Variants in WDR75 observed in about 807,000 individuals in gnomAD.
WDR75 encodes the protein WD repeat-containing protein 75.
WDR75 carries 52 observed loss-of-function variants against 106.1 expected under a neutral mutation model. The ratio of observed to expected loss-of-function variants is 0.49; its 90% CI spans 0.39 to 0.62. The LOEUF is 0.62. Ranked by LOEUF, WDR75 falls within the 20% of genes least tolerant of loss-of-function variation. The probability of loss-of-function intolerance (pLI) is 0.00; values close to 1 mark genes in which losing one functional copy is unlikely to be tolerated. For missense variants in WDR75, 905 were observed against 970.3 expected (o/e 0.93, Z 0.89); for synonymous variants, 333 against 335.5 (o/e 0.99, Z 0.08).
At position 189,451,892 on chromosome 2, in the gene WDR75, C is replaced by T; in HGVS notation, c.370C>T (p.Pro124Ser). The change falls in exon 4 of 21, where the codon CCA (proline) becomes TCA (serine). Residue 124 changes from proline to serine, a missense_variant. Transcript: ENST00000314761. ...SVFVIVNKEK[P>S]DIFQLVSVKL... Reference sequence around the variant, plus strand: ...CTTTGTTATAGTGAATAAAGAAAAACCAGGTATGGTATAATTAACTTACTA... The same window carrying T: ...CTTTGTTATAGTGAATAAAGAAAAATCAGGTATGGTATAATTAACTTACTA... 6.2e-7 allele frequency: 1 copy of T among 1,610,296 alleles called. No individual in the cohort carries two copies. The highest frequency in any genetic ancestry group is 1.3e-5 in the African/African-American group (1 of 74,964).
chr2:189,448,646 T>C, intron 2 of WDR75, 138 bp downstream of exon 2: 5 of 1,128,810 alleles, frequency 4.4e-6, no homozygotes, highest in Non-Finnish European at 6.4e-6. Context: ...TATTTTCCAC[T>C]TGCTAAATTA....
chr2:189,446,763 A>T (rs1686507531), intron 1 of WDR75, among the ~76,000 whole-genome samples: 1 of 152,230 alleles, frequency 6.6e-6, no homozygotes, highest in Non-Finnish European at 1.5e-5. Flanking sequence ...CTATACATAC[A>T]TACCTATGAT....
intron 11 of WDR75, among the ~76,000 whole-genome samples, chr2:189,464,798 T>C (rs1343580938): frequency 6.6e-6 from 1 of 152,110 alleles, no homozygotes; most frequent in Non-Finnish European, 1.5e-5. Flanking sequence ...AAATTAACGG[T>C]TCTGTTGTAT....
intron 19 of WDR75, 95 bp downstream of exon 19, chr2:189,474,427 G>C (rs921804790): frequency 2.2e-6 from 3 of 1,387,748 alleles, no homozygotes; most frequent in African/African-American, 2.9e-5. Flanking sequence ...TTTGTATGCT[G>C]TACAACTTTA....
intron 1 of WDR75, among the ~76,000 whole-genome samples, chr2:189,446,996 T>C (rs1686514097): frequency 6.6e-6 from 1 of 152,190 alleles, no homozygotes; most frequent in South Asian, 2.1e-4. Context: ...CAGAGAATGC[T>C]GGAAAAAGGA....
intron 11 of WDR75, chr2:189,464,285 A>G (rs1290667530): frequency 8.0e-6 from 2 of 251,362 alleles, no homozygotes; most frequent in African/African-American, 4.5e-5. Flanking sequence ...TGACAGTACA[A>G]ATTTGTATCT....
chr2:189,469,299 G>A (rs761034907), intron 15 of WDR75, 45 bp from the exon 16 acceptor site: 1 of 1,492,660 alleles, frequency 6.7e-7, no homozygotes, highest in Non-Finnish European at 9.3e-7. Context: ...AAAGCTTTTG[G>A]TAAATCTTTC....
At position 189,467,579 on chromosome 2, in the gene WDR75, T is replaced by C. The variant is rs1687028524; in HGVS notation, c.1559T>C (p.Ile520Thr). Residue 520 changes from isoleucine (I) to threonine (T), a missense_variant, in exon 14 of 21, where the codon ATA becomes ACA. By Grantham distance (89) the Ile-to-Thr change is moderately conservative. Transcript: ENST00000314761. ...GSLLAVSFEEIVTIWDSVTWE... is the reference protein window; with the variant it reads ...GSLLAVSFEETVTIWDSVTWE... ...TTACTAGCAGTTAGTTTTGAGGAAA[T>C]AGTCACAATATGGGATTCTGTAACA... 2.5e-6 allele frequency: 4 copies of C among 1,611,386 alleles called. No homozygotes were observed. Among genetic ancestry groups the C allele is most frequent in the Middle Eastern group, 3.3e-4 (2 of 6,066 alleles).
At position 189,467,334 on chromosome 2, in the gene WDR75, T is replaced by A. The variant is rs1359949223; in HGVS notation, c.1448-134T>A. On this transcript the variant is annotated intron_variant, in intron 13 of 20. Coordinates refer to ENST00000314761, the MANE Select transcript of WDR75 (RefSeq NM_032168.3). ...CTTTTTGTACTGTACACAGCTATTT[T>A]CAGACCTCAGTTGACCCCTAGGAAC... The A allele has an allele frequency of 6.1e-6, 5 of 814,926 alleles. No homozygotes were observed. In the African/African-American group the frequency reaches 7.0e-5, roughly 11 times the overall value. 50.5% of individuals were successfully genotyped at this position (814,926 alleles called of 1,614,324 possible).
chr2:189,460,202 TA>T (rs1309979742), intron 8 of WDR75, among the ~76,000 whole-genome samples: 1 of 152,186 alleles, frequency 6.6e-6, no homozygotes, highest in East Asian at 1.9e-4. Context: ...ATTGTGTGCC[TA>T]AAAAATGAGA....
chr2:189,454,462 A>T (rs7419276), intron 4 of WDR75, among the ~76,000 whole-genome samples: 1 of 151,890 alleles, frequency 6.6e-6, no homozygotes, highest in African/African-American at 2.4e-5. Context: ...TCCATTTTAA[A>T]ACCCAGCTTA....
chr2:189,469,489 T>A (rs777657842), intron 16 of WDR75, 50 bp downstream of exon 16: 1 of 1,467,502 alleles, frequency 6.8e-7, no homozygotes, highest in East Asian at 2.3e-5. Flanking sequence ...GACCTAAGTT[T>A]TCTTCTTAAT....
Position 189,475,520 on chromosome 2 carries a change from A to C in WDR75, c.*103A>C, listed in dbSNP as rs1251104344. ...TTATTTCTGTTCTAAAAATAAGATA[A>C]TAAATATTAACAAACTTTGCTTTTT... On this transcript the variant is annotated 3_prime_UTR_variant, in exon 21 of 21. Coordinates refer to ENST00000314761, the MANE Select transcript of WDR75 (RefSeq NM_032168.3). 2.7e-6 allele frequency: 2 copies of C among 748,346 alleles called. No homozygotes were observed. The highest frequency in any genetic ancestry group is 3.6e-5 in the Admixed American group (1 of 27,496). The allele number at this position is 748,346 out of a possible 1,614,324, so 46.4% of individuals were successfully genotyped here.
intron 1 of WDR75, among the ~76,000 whole-genome samples, chr2:189,447,692 TTTCTGAGTTAATAATCTC>T (rs1405673905): frequency 1.3e-5 from 2 of 152,212 alleles, no homozygotes; most frequent in African/African-American, 2.4e-5. Context: ...TCATTAATCT[TTTCTGAGTTAATAATCTC>T]TTCTGAGTTA....
rs534050546 is a variant in WDR75 at position 189,458,628 on chromosome 2, T to A, written c.570-125T>A. 22 of 746,536 alleles carry A rather than the reference T, an allele frequency of 2.9e-5. No individual in the cohort carries two copies. The South Asian group carries it at 7.6e-4, about 26-fold the overall frequency. The allele number at this position is 746,536 out of a possible 1,614,324, so 46.2% of individuals were successfully genotyped here. A position where few individuals can be genotyped will look rare whatever the true frequency, so the allele number is the denominator to read the frequency against. ...CTTTTTAAAAAAAATCCTGCAGTTA[T>A]ATTTATTGAATTCTGAGCTCTACAA... is the stretch of plus-strand genomic sequence containing the variant. On this transcript the variant is annotated intron_variant, in intron 6 of 20. Transcript: ENST00000314761.
chr2:189,455,593 C>CA (rs1686716764), intron 5 of WDR75, 149 bp downstream of exon 5: 1 of 1,037,438 alleles, frequency 9.6e-7, no homozygotes. Context: ...ATTGCTTTAG[C>CA]ATGTATTTAT....
intron 1 of WDR75, 122 bp downstream of exon 1, chr2:189,441,700 A>C: frequency 8.8e-7 from 1 of 1,135,418 alleles, no homozygotes; most frequent in Non-Finnish European, 1.3e-6. Flanking sequence ...CTTTGGGTAG[A>C]GCACGCGCCT....
chr2:189,454,127 G>A (rs1042296241), intron 4 of WDR75, among the ~76,000 whole-genome samples: 1 of 152,162 alleles, frequency 6.6e-6, no homozygotes, highest in Non-Finnish European at 1.5e-5. Context: ...AGGGAAATGA[G>A]CAACATAGGA....
rs370050902 is a variant in WDR75, at chr2:189,466,420, G to T, written c.1290-5G>T. ...AGAATAAATTTGTGGTTTCCTTCCCGCTAGGTTTATTCTTAACACTAAAAT... is the reference window on the plus strand; with the variant it reads ...AGAATAAATTTGTGGTTTCCTTCCCTCTAGGTTTATTCTTAACACTAAAAT... On this transcript the variant is annotated splice_polypyrimidine_tract_variant and splice_region_variant and intron_variant, in intron 12 of 20. Coordinates refer to ENST00000314761, the MANE Select transcript of WDR75 (RefSeq NM_032168.3). The T allele has an allele frequency of 6.2e-7, 1 of 1,610,836 alleles. No individual in the cohort carries two copies.
Sources: gnomAD v4.1 joint callset for allele counts (sites outside exome capture counted in the v4.1 genomes callset) on GRCh38, gnomAD v4.1.1 for gene constraint, MANE v1.5 for transcripts, NCBI Gene and HGNC (gene_info 2026-07-23, HGNC 2026-07-21) for gene names.